GPR155: variants seen among roughly 807,000 people sequenced by gnomAD.
The protein encoded by GPR155 is G protein-coupled receptor 155, also known as lysosomal cholesterol signaling protein.
In GPR155, 65 loss-of-function variants were observed where a neutral mutation model predicts 93.1. The observed-to-expected ratio is 0.70, with a 90% CI of 0.57 to 0.86. GPR155 has a LOEUF of 0.86. Among genes scored for constraint, GPR155 ranks in the 40% least tolerant of loss-of-function variants. The pLI, the probability that GPR155 is intolerant of heterozygous loss-of-function variation, is 0.00. For synonymous variants in GPR155, 319 were observed against 360.1 expected (o/e 0.89, Z 1.29); for missense variants, 838 against 1,034.8 (o/e 0.81, Z 2.61).
intron 15 of GPR155, among the ~76,000 whole-genome samples, chr2:174,438,008 T>G (rs1295392419): frequency 1.3e-5 from 2 of 151,458 alleles, no homozygotes; most frequent in Non-Finnish European, 2.9e-5. Context: ...CCCAGCACTT[T>G]TTTTGGGAGG....
At chr2:174,451,313 C>CA (rs201594713) in intron 11 of GPR155, among the ~76,000 whole-genome samples, 123 of 76,852 alleles carry the variant, frequency 1.6e-3, no homozygotes, top group African/African-American at 3.0e-3. Context: ...GACTCCATCT[C>CA]AAAAAAAAAA....
chr2:174,460,155 T>C (rs1447222564), intron 9 of GPR155, 67 bp from the exon 10 acceptor site: 1 of 42,420 alleles, frequency 2.4e-5, no homozygotes, highest in Admixed American at 7.6e-4. Context: ...TTAGGGCACA[T>C]TTTTTTTTTT....
rs1424627095 is a variant in GPR155, at chr2:174,481,764, T to G, written c.193A>C (p.Ile65Leu). 1.2e-6 allele frequency: 2 copies of G among 1,614,240 alleles called. No homozygotes were observed. The highest frequency in any genetic ancestry group is 1.7e-5 in the Admixed American group (1 of 60,026). The change falls in exon 2 of 16, where the codon ATA becomes CTA. Residue 65 changes from isoleucine (I) to leucine (L), a missense_variant. By Grantham distance (5) the Ile-to-Leu change is conservative. Coordinates refer to ENST00000392552, the MANE Select transcript of GPR155 (RefSeq NM_152529.7). ...AGTCCTTTGGCCTGGGTTGATGTTA[T>G]GACATTGGCCCTTCCTGCTATGTAG... is the stretch of plus-strand genomic sequence containing the variant. ...CGYIAGRANV[I>L]TSTQAKGLGN...
intron 11 of GPR155, among the ~76,000 whole-genome samples, chr2:174,451,978 A>T (rs1367198325): frequency 1.3e-5 from 2 of 152,198 alleles, no homozygotes; most frequent in African/African-American, 4.8e-5. Context: ...GAAGAAAATG[A>T]CAGATAAGCA....
chr2:174,444,180 G>C (rs967101571), intron 13 of GPR155, among the ~76,000 whole-genome samples: 8 of 152,126 alleles, frequency 5.3e-5, no homozygotes, highest in Admixed American at 2.0e-4. Flanking sequence ...ACTTTGGGAG[G>C]CTGAGGTGGG....
At chr2:174,448,966 A>G (rs1439191099) in intron 11 of GPR155, among the ~76,000 whole-genome samples, 1 of 152,234 alleles carries the variant, frequency 6.6e-6, no homozygotes, top group African/African-American at 2.4e-5. Context: ...ACAGAATGGG[A>G]GAAAATATTC....
chr2:174,445,056 C>T (rs778265598), intron 13 of GPR155, 25 bp downstream of exon 13: 23 of 1,235,800 alleles, frequency 1.9e-5, no homozygotes, highest in Middle Eastern at 3.7e-4. Context: ...ACAAAAACCC[C>T]TCAAAGTTCT....
At chr2:174,477,056 C>G (rs1044078962) in intron 2 of GPR155, among the ~76,000 whole-genome samples, 3 of 152,168 alleles carry the variant, frequency 2.0e-5, no homozygotes, top group Non-Finnish European at 4.4e-5. Flanking sequence ...CATCAATGAA[C>G]ATCAAAAGTT....
At chr2:174,443,002 C>T (rs1242609062) in intron 13 of GPR155, among the ~76,000 whole-genome samples, 1 of 152,216 alleles carries the variant, frequency 6.6e-6, no homozygotes, top group African/African-American at 2.4e-5. Flanking sequence ...GTTGATGACA[C>T]AGCCCTATGG....
chr2:174,436,529 T>C, intron 15 of GPR155, 113 bp from the exon 16 acceptor site: 1 of 1,003,476 alleles, frequency 1.0e-6, no homozygotes. Context: ...GCATGGTAGT[T>C]ACAAGCATAG....
rs959533862 is a variant in GPR155 at position 174,445,317 on chromosome 2, G to C, written c.2014-141C>G. ...GGAAAAACACTGAGAGAATATAGAG[G>C]CTTTATCTTTTCAATAAGAAAGTTT... On this transcript the variant is annotated intron_variant, in intron 12 of 15. Coordinates refer to ENST00000392552, the MANE Select transcript of GPR155 (RefSeq NM_152529.7). The C allele has an allele frequency of 8.7e-6, 5 of 576,360 alleles. No homozygotes were observed. In the Admixed American group the frequency reaches 9.6e-5, roughly 11 times the overall value. The allele number at this position is 576,360 out of a possible 1,614,324, so 35.7% of individuals were successfully genotyped here.
chr2:174,446,679 G>A lies in GPR155; in HGVS notation c.1945C>T (p.Gln649Ter). ...ILAQEEEQYL[Q>*]SGDQQLTRHV... Reference sequence around the variant, plus strand: ...CGGGTCAGTTGCTGGTCTCCACTCTGTAGATACTGTTCTTCTTCCTGGGCT... The same window carrying A: ...CGGGTCAGTTGCTGGTCTCCACTCTATAGATACTGTTCTTCTTCCTGGGCT... The change falls in exon 12 of 16, where the codon CAG becomes TAG. Residue 649 changes from glutamine (Q) to a stop codon, truncating the protein, a stop_gained. Coordinates refer to ENST00000392552, the MANE Select transcript of GPR155 (RefSeq NM_152529.7). LOFTEE classifies it high-confidence loss of function. The A allele has an allele frequency of 1.9e-6, 3 of 1,613,630 alleles. No individual in the cohort carries two copies. The South Asian group carries it at 3.3e-5, about 18-fold the overall frequency.
intron 7 of GPR155, among the ~76,000 whole-genome samples, chr2:174,462,185 A>C (rs909580260): frequency 6.6e-6 from 1 of 151,954 alleles, no homozygotes; most frequent in Non-Finnish European, 1.5e-5. Context: ...GGATCCTCCC[A>C]CTTCTGCCTC....
At chr2:174,483,345 G>T (rs531926775) in intron 1 of GPR155, among the ~76,000 whole-genome samples, 1 of 151,986 alleles carries the variant, frequency 6.6e-6, no homozygotes, top group African/African-American at 2.4e-5. Flanking sequence ...ACAGAACCAA[G>T]AACACAAAAT....
At chr2:174,480,770 AT>A (rs200739556) in intron 2 of GPR155, among the ~76,000 whole-genome samples, 15,130 of 150,276 alleles carry the variant, frequency 0.1, 894 homozygotes, top group Middle Eastern at 0.17. Context: ...CTCAAAAACA[AT>A]TTTTTTTTTT....
At chr2:174,466,247 A>G (rs556233306) in intron 6 of GPR155, among the ~76,000 whole-genome samples, 2 of 152,196 alleles carry the variant, frequency 1.3e-5, no homozygotes, top group Non-Finnish European at 2.9e-5. Flanking sequence ...GAGACATGCA[A>G]AGATTAATTA....
intron 11 of GPR155, among the ~76,000 whole-genome samples, chr2:174,447,852 A>G (rs980338598): frequency 4.7e-5 from 7 of 148,474 alleles, no homozygotes; most frequent in African/African-American, 1.7e-4. Context: ...ATATATTTTT[A>G]TTTTTATATT....
chr2:174,443,977 G>A (rs1017525938), intron 13 of GPR155, among the ~76,000 whole-genome samples: 5 of 152,128 alleles, frequency 3.3e-5, no homozygotes, highest in African/African-American at 1.2e-4. Flanking sequence ...AATGCTTAAC[G>A]ATGGTTGGCA....
Position 174,470,419 on chromosome 2 carries a change from C to G in GPR155, c.997G>C (p.Ala333Pro), listed in dbSNP as rs769889081. The change falls in exon 4 of 16, where the codon GCA becomes CCA. Residue 333 changes from alanine to proline, a missense_variant. By Grantham distance (27) the Ala-to-Pro change is conservative. Transcript: ENST00000392552. ...FPVAPGVAIF[A>P]TQFNMEVEII... is the part of the protein sequence containing the mutation. ...TCTACTTCCATGTTGAATTGTGTTG[C>G]AAAGATAGCCACTCCTGGTGCTACA... 1.1e-5 allele frequency: 17 copies of G among 1,613,556 alleles called. No homozygotes were observed. Among genetic ancestry groups the G allele is most frequent in the Non-Finnish European group, 1.4e-5 (16 of 1,179,656 alleles).
Sources: allele counts gnomAD v4.1 joint callset (sites outside exome capture counted in the v4.1 genomes callset), GRCh38; gene constraint gnomAD v4.1.1; transcripts MANE v1.5; gene names NCBI Gene and HGNC (gene_info 2026-07-23, HGNC 2026-07-21).